CACNA2D1: variants seen among roughly 807,000 people sequenced by gnomAD.
The protein encoded by CACNA2D1 is voltage-dependent calcium channel subunit alpha-2/delta-1.
A neutral mutation model predicts 171.5 loss-of-function variants in CACNA2D1; 53 were observed. That is an observed-to-expected ratio of 0.31 (90% confidence interval 0.25 to 0.39). The LOEUF is 0.39. Among genes scored for constraint, CACNA2D1 ranks in the 10% least tolerant of loss-of-function variants. CACNA2D1 has a pLI of 1.00. For missense variants in CACNA2D1, 903 were observed against 1,299.8 expected (o/e 0.69, Z 4.69); for synonymous variants, 442 against 443.1 (o/e 1.00, Z 0.03).
chr7:82,191,461 G>A (rs946738333), intron 3 of CACNA2D1, among the ~76,000 whole-genome samples: 2 of 151,650 alleles, frequency 1.3e-5, no homozygotes, highest in Non-Finnish European at 3.0e-5. Context: ...TGTTTAATTA[G>A]GTTGTCTCAC....
intron 1 of CACNA2D1, among the ~76,000 whole-genome samples, chr7:82,357,733 G>C (rs1423740564): frequency 7.0e-6 from 1 of 142,730 alleles, no homozygotes; most frequent in Non-Finnish European, 1.5e-5. Context: ...TGGGGGGAGG[G>C]ATAGCATTAG....
rs184417987 is a variant in CACNA2D1, at chr7:82,230,259, A to C, written c.295-59650T>G. Among the ~76,000 whole-genome samples the C allele has an allele frequency of 4.4e-3, 668 of 152,340 alleles. 6 individuals carry two copies. Among genetic ancestry groups the C allele is most frequent in the Admixed American group, 6.2e-3 (95 of 15,310 alleles). ...GATTGGCCTGCTTTATATTTAATTG[A>C]AATGGAATCAGAGAATAGTATCCAC... On this transcript the variant is annotated intron_variant, in intron 3 of 38. Transcript: ENST00000356860.
chr7:81,992,540 G>A (rs1267408511), intron 20 of CACNA2D1, among the ~76,000 whole-genome samples: 1 of 151,946 alleles, frequency 6.6e-6, no homozygotes, highest in Non-Finnish European at 1.5e-5. Context: ...TTATATATTT[G>A]TTACTACTCA....
At chr7:82,179,736 TATAAA>T (rs1275931421) in intron 3 of CACNA2D1, among the ~76,000 whole-genome samples, 4 of 152,136 alleles carry the variant, frequency 2.6e-5, no homozygotes, top group Non-Finnish European at 4.4e-5. Context: ...ATTTCTCAAC[TATAAA>T]ATGAGAATTT....
intron 20 of CACNA2D1, among the ~76,000 whole-genome samples, chr7:81,993,363 G>A (rs1336873144): frequency 6.6e-6 from 1 of 152,102 alleles, no homozygotes; most frequent in Non-Finnish European, 1.5e-5. Context: ...CATCAATATG[G>A]AACATGGTAC....
At chr7:82,187,122 T>C (rs562730717) in intron 3 of CACNA2D1, among the ~76,000 whole-genome samples, 3 of 152,278 alleles carry the variant, frequency 2.0e-5, no homozygotes, top group African/African-American at 7.2e-5. Context: ...TTAACAAATA[T>C]CAGTCATATA....
In CACNA2D1 at chr7:82,443,502, G is replaced by A; in HGVS notation, c.-43C>T. On this transcript the variant is annotated 5_prime_UTR_variant, in exon 1 of 39. Coordinates refer to ENST00000356860, the MANE Select transcript of CACNA2D1 (RefSeq NM_000722.4). ...AATGCCCCCTCCCTGCCCAAGCGGGGGAAGGAGCGGCGCTGGAAACCGCGG... is the reference window on the plus strand; with the variant it reads ...AATGCCCCCTCCCTGCCCAAGCGGGAGAAGGAGCGGCGCTGGAAACCGCGG... 3 of 1,595,128 alleles carry A rather than the reference G, an allele frequency of 1.9e-6. No homozygotes were observed. The highest frequency in any genetic ancestry group is 2.6e-6 in the Non-Finnish European group (3 of 1,171,058).
intron 1 of CACNA2D1, among the ~76,000 whole-genome samples, chr7:82,370,106 TA>T (rs1822216825): frequency 6.6e-6 from 1 of 152,060 alleles, no homozygotes; most frequent in Non-Finnish European, 1.5e-5. Flanking sequence ...TTAAAATCTT[TA>T]AAATATTCCA....
intron 5 of CACNA2D1, among the ~76,000 whole-genome samples, chr7:82,124,233 T>G (rs1790074014): frequency 6.6e-6 from 1 of 152,130 alleles, no homozygotes. Context: ...CAATTCATAC[T>G]GATTTTCTAG....
intron 1 of CACNA2D1, among the ~76,000 whole-genome samples, chr7:82,395,177 A>G (rs941809403): frequency 3.6e-5 from 5 of 139,740 alleles, no homozygotes; most frequent in Non-Finnish European, 7.5e-5. Flanking sequence ...TATTCTAGAC[A>G]CTAAAAACAC....
intron 5 of CACNA2D1, among the ~76,000 whole-genome samples, chr7:82,130,452 A>G (rs1790820888): frequency 6.6e-6 from 1 of 152,122 alleles, no homozygotes; most frequent in African/African-American, 2.4e-5. Context: ...ATAAATTTAT[A>G]TAATAATGTA....
chr7:82,329,702 A>G (rs1817068942), intron 3 of CACNA2D1, among the ~76,000 whole-genome samples: 1 of 152,208 alleles, frequency 6.6e-6, no homozygotes, highest in Non-Finnish European at 1.5e-5. Context: ...TTGCTTAAGA[A>G]TAATCCAATG....
chr7:82,056,416 G>C (rs1010310359), intron 10 of CACNA2D1, among the ~76,000 whole-genome samples: 1 of 152,130 alleles, frequency 6.6e-6, no homozygotes, highest in South Asian at 2.1e-4. Flanking sequence ...ATGTGTGCTA[G>C]AGAACATTCG....
intron 1 of CACNA2D1, among the ~76,000 whole-genome samples, chr7:82,375,867 G>A (rs77136021): frequency 0.038 from 5,753 of 152,202 alleles, 129 homozygotes; most frequent in South Asian, 0.078. Context: ...ACTGGTGATT[G>A]CCTCGGGCTC....
chr7:82,133,757 A>G (rs1459223061), intron 5 of CACNA2D1, among the ~76,000 whole-genome samples: 1 of 152,174 alleles, frequency 6.6e-6, no homozygotes, highest in African/African-American at 2.4e-5. Context: ...TGATTATGCC[A>G]CTTAATAACT....
At chr7:82,439,456 T>G (rs2129459813) in intron 1 of CACNA2D1, among the ~76,000 whole-genome samples, 1 of 151,950 alleles carries the variant, frequency 6.6e-6, no homozygotes. Context: ...ATTGTCAAAA[T>G]GAACCACCTA....
At chr7:82,136,804 A>G in intron 4 of CACNA2D1, 128 bp from the exon 5 acceptor site, 1 of 682,800 alleles carries the variant, frequency 1.5e-6, no homozygotes, top group African/African-American at 1.8e-5. Flanking sequence ...TTCCACAATG[A>G]TCCATAAGGA....
intron 1 of CACNA2D1, among the ~76,000 whole-genome samples, chr7:82,385,502 A>G (rs967099027): frequency 6.6e-6 from 1 of 152,212 alleles, no homozygotes; most frequent in Non-Finnish European, 1.5e-5. Context: ...AATTAGCTCT[A>G]CAAACTGGTG....
At chr7:82,398,112 G>C (rs1825937546) in intron 1 of CACNA2D1, among the ~76,000 whole-genome samples, 1 of 152,130 alleles carries the variant, frequency 6.6e-6, no homozygotes, top group Non-Finnish European at 1.5e-5. Flanking sequence ...TAAACATTTA[G>C]ACTGTATGAT....
Sources: allele counts gnomAD v4.1 joint callset (sites outside exome capture counted in the v4.1 genomes callset), GRCh38; gene constraint gnomAD v4.1.1; transcripts MANE v1.5; gene names NCBI Gene and HGNC (gene_info 2026-07-23, HGNC 2026-07-21).